MIPEP: variants seen among roughly 807,000 people sequenced by gnomAD.
MIPEP encodes mitochondrial intermediate peptidase.
A neutral mutation model predicts 90.3 loss-of-function variants in MIPEP; 79 were observed. The ratio of observed to expected loss-of-function variants is 0.87; its 90% CI spans 0.73 to 1.05. The LOEUF (loss-of-function observed/expected upper bound fraction) is 1.05. Ranked by LOEUF, MIPEP falls within the 50% of genes least tolerant of loss-of-function variation. MIPEP has a pLI of 0.00. For synonymous variants in MIPEP, 334 were observed against 315.8 expected (o/e 1.06, Z -0.61); for missense variants, 940 against 905.6 (o/e 1.04, Z -0.49).
intron 16 of MIPEP, among the ~76,000 whole-genome samples, chr13:23,789,466 A>C (rs1593155446): frequency 6.6e-6 from 1 of 152,212 alleles, no homozygotes; most frequent in East Asian, 1.9e-4. Flanking sequence ...TCCAAATGTC[A>C]GGCAATGTGT....
At chr13:23,878,016 C>A (rs1435528393) in intron 4 of MIPEP, among the ~76,000 whole-genome samples, 2 of 152,176 alleles carry the variant, frequency 1.3e-5, no homozygotes, top group African/African-American at 2.4e-5. Context: ...TATCCTATCA[C>A]TACAAGTCCT....
At chr13:23,756,199 G>T (rs1258125205) in intron 18 of MIPEP, among the ~76,000 whole-genome samples, 5 of 152,198 alleles carry the variant, frequency 3.3e-5, no homozygotes, top group African/African-American at 1.2e-4. Flanking sequence ...ATGTTGCCCA[G>T]GCTGGAGTGC....
intron 10 of MIPEP, among the ~76,000 whole-genome samples, chr13:23,855,756 ATCCCTTT>A (rs1870022941): frequency 6.6e-6 from 1 of 152,244 alleles, no homozygotes; most frequent in African/African-American, 2.4e-5. Flanking sequence ...GCATTTCTGC[ATCCCTTT>A]TCCTGGTTCT....
intron 16 of MIPEP, among the ~76,000 whole-genome samples, chr13:23,780,320 C>T (rs563153768): frequency 6.0e-4 from 92 of 152,326 alleles, no homozygotes; most frequent in Non-Finnish European, 1.1e-3. Context: ...CTGCAGCCTC[C>T]GCTGCTGATA....
intron 15 of MIPEP, among the ~76,000 whole-genome samples, chr13:23,807,103 C>T (rs1451941410): frequency 6.6e-6 from 1 of 152,082 alleles, no homozygotes; most frequent in African/African-American, 2.4e-5. Context: ...GGAAAAGGAG[C>T]ACTCTCCTCT....
rs1436177671 is a variant in MIPEP, at chr13:23,864,523, G to A, written c.944-334C>T. 2.6e-5 allele frequency among the ~76,000 whole-genome samples: 4 copies of A among 152,016 alleles called. 1 individual carries two copies. In the South Asian group the frequency reaches 6.2e-4, roughly 24 times the overall value. Reference sequence around the variant, plus strand: ...GAGGGCAGGGGGTGGATCACCTGAGGTCAGGAGTTCAAGACCAGCAAGGCC... The same window carrying A: ...GAGGGCAGGGGGTGGATCACCTGAGATCAGGAGTTCAAGACCAGCAAGGCC... On this transcript the variant is annotated intron_variant, in intron 7 of 18. Coordinates refer to ENST00000382172, the MANE Select transcript of MIPEP (RefSeq NM_005932.4).
At chr13:23,811,372 T>C (rs913072348) in intron 14 of MIPEP, among the ~76,000 whole-genome samples, 3 of 152,212 alleles carry the variant, frequency 2.0e-5, no homozygotes, top group African/African-American at 4.8e-5. Context: ...TCAGGCTACA[T>C]TGTCTTTAGC....
intron 18 of MIPEP, among the ~76,000 whole-genome samples, chr13:23,750,516 G>A (rs2138503544): frequency 6.6e-6 from 1 of 152,312 alleles, no homozygotes; most frequent in Middle Eastern, 3.4e-3. Flanking sequence ...GTTTCTGGGA[G>A]GAAAACTTCC....
chr13:23,817,555 C>CTG (rs1334860602), intron 14 of MIPEP, among the ~76,000 whole-genome samples: 1 of 152,186 alleles, frequency 6.6e-6, no homozygotes, highest in Non-Finnish European at 1.5e-5. Context: ...GTCTGCCTTA[C>CTG]TGTTCTTTAA....
intron 16 of MIPEP, among the ~76,000 whole-genome samples, chr13:23,789,565 T>A (rs1952880265): frequency 6.6e-6 from 1 of 152,214 alleles, no homozygotes; most frequent in South Asian, 2.1e-4. Context: ...TTTGGAAAGC[T>A]ACGCAAAGCT....
chr13:23,806,763 T>C (rs967345065), intron 15 of MIPEP, among the ~76,000 whole-genome samples: 1 of 151,370 alleles, frequency 6.6e-6, no homozygotes, highest in Non-Finnish European at 1.5e-5. Flanking sequence ...TATCTATCTA[T>C]CTGTAGGCAG....
At chr13:23,864,427 T>A (rs900029171) in intron 7 of MIPEP, among the ~76,000 whole-genome samples, 2 of 152,088 alleles carry the variant, frequency 1.3e-5, no homozygotes, top group African/African-American at 4.8e-5. Flanking sequence ...AGCGTCAGAT[T>A]CTATCCCAAA....
intron 14 of MIPEP, among the ~76,000 whole-genome samples, chr13:23,829,734 G>A (rs1868645780): frequency 6.6e-6 from 1 of 152,124 alleles, no homozygotes; most frequent in African/African-American, 2.4e-5. Context: ...TTGAACCCAG[G>A]AGTTTGAGGG....
At chr13:23,761,138 T>G (rs189411963) in intron 16 of MIPEP, among the ~76,000 whole-genome samples, 3 of 152,112 alleles carry the variant, frequency 2.0e-5, no homozygotes, top group Admixed American at 1.3e-4. Context: ...TTTTTTTTTT[T>G]TTTTAAGAAG....
intron 4 of MIPEP, among the ~76,000 whole-genome samples, chr13:23,876,903 C>G (rs1871096191): frequency 6.6e-6 from 1 of 152,150 alleles, no homozygotes; most frequent in Non-Finnish European, 1.5e-5. Context: ...ATCCATTGGT[C>G]TAACATCATT....
intron 18 of MIPEP, among the ~76,000 whole-genome samples, chr13:23,753,490 G>A (rs1343056528): frequency 1.3e-5 from 2 of 152,176 alleles, no homozygotes; most frequent in African/African-American, 4.8e-5. Flanking sequence ...AGCCCCTGCT[G>A]CTGCAACTTG....
At chr13:23,886,832 A>ATAT in intron 1 of MIPEP, among the ~76,000 whole-genome samples, 1 of 149,552 alleles carries the variant, frequency 6.7e-6, no homozygotes, top group Non-Finnish European at 1.5e-5. Flanking sequence ...CATATATGTA[A>ATAT]ATATATATAT....
chr13:23,767,441 C>A (rs936168486), intron 16 of MIPEP, among the ~76,000 whole-genome samples: 1 of 147,720 alleles, frequency 6.8e-6, no homozygotes, highest in Non-Finnish European at 1.5e-5. Context: ...GTTTGAAGGG[C>A]AGTATCTTTG....
At chr13:23,779,259 G>A (rs1229722424) in intron 16 of MIPEP, among the ~76,000 whole-genome samples, 1 of 152,202 alleles carries the variant, frequency 6.6e-6, no homozygotes, top group Non-Finnish European at 1.5e-5. Flanking sequence ...TACAAATGTT[G>A]TGAGTGATGT....
Sources: allele counts gnomAD v4.1 joint callset (sites outside exome capture counted in the v4.1 genomes callset), GRCh38; gene constraint gnomAD v4.1.1; transcripts MANE v1.5; gene names NCBI Gene and HGNC (gene_info 2026-07-23, HGNC 2026-07-21).